CSNK1G2: variants seen among roughly 807,000 people sequenced by gnomAD.
CSNK1G2 encodes casein kinase 1 gamma 2.
Under a neutral mutation model 48.0 loss-of-function variants are expected in CSNK1G2, and 11 were observed. That is an observed-to-expected ratio of 0.23 (90% CI 0.14 to 0.38). The LOEUF (loss-of-function observed/expected upper bound fraction) is 0.38. CSNK1G2 is among the 10% of genes least tolerant of loss of function. CSNK1G2 has a pLI of 1.00. For synonymous variants in CSNK1G2, 337 were observed against 254.1 expected (o/e 1.33, Z -3.10); for missense variants, 446 against 595.5 (o/e 0.75, Z 2.61).
intron 1 of CSNK1G2, among the ~76,000 whole-genome samples, chr19:1,958,025 C>T (rs1036016717): frequency 3.3e-5 from 5 of 152,048 alleles, no homozygotes; most frequent in African/African-American, 4.8e-5. Flanking sequence ...GGTGTTGGGA[C>T]GCGTCCTGAC....
In CSNK1G2 at chr19:1,975,910, C is replaced by T. The variant is rs954829136; in HGVS notation, c.188-2395C>T. 4 of 575,266 alleles carry T rather than the reference C, an allele frequency of 7.0e-6. No homozygotes were observed. In the Admixed American group the frequency reaches 2.5e-4, roughly 37 times the overall value. The allele number at this position is 575,266 out of a possible 1,614,324, so 35.6% of individuals were successfully genotyped here. On this transcript the variant is annotated intron_variant, in intron 2 of 11. Coordinates refer to ENST00000255641, the MANE Select transcript of CSNK1G2 (RefSeq NM_001319.7). ...AATTAGCCAGGTTGATGGTGCCTGC[C>T]TGTAATTCCAGCTACTCAGGAGGCT...
intron 2 of CSNK1G2, chr19:1,976,082 G>A: frequency 7.8e-7 from 1 of 1,289,610 alleles, no homozygotes; most frequent in Non-Finnish European, 1.0e-6. Flanking sequence ...ATGGACCGGT[G>A]GATGGTAGCT....
chr19:1,947,962 G>A (rs1472031663), intron 1 of CSNK1G2, among the ~76,000 whole-genome samples: 1 of 17,460 alleles, frequency 5.7e-5, no homozygotes, highest in African/African-American at 6.6e-4. Flanking sequence ...GAGTCAGCTC[G>A]TCCTCGTGCC....
chr19:1,965,593 C>T (rs185404998), intron 1 of CSNK1G2, among the ~76,000 whole-genome samples: 163 of 152,052 alleles, frequency 1.1e-3, no homozygotes, highest in Non-Finnish European at 1.5e-3. Context: ...CTCCACCTCC[C>T]GGGTTGAAGC....
chr19:1,947,565 C>T (rs1047027199), intron 1 of CSNK1G2, among the ~76,000 whole-genome samples: 6 of 152,212 alleles, frequency 3.9e-5, no homozygotes, highest in African/African-American at 1.2e-4. Context: ...ACGGGACCAG[C>T]GTGAGGACAC....
chr19:1,970,861 C>T (rs1040226840), intron 2 of CSNK1G2, among the ~76,000 whole-genome samples: 1 of 152,154 alleles, frequency 6.6e-6, no homozygotes, highest in Non-Finnish European at 1.5e-5. Context: ...GGCAGTGGAT[C>T]GGCCTCACGT....
chr19:1,975,541 C>T, intron 2 of CSNK1G2: 1 of 985,476 alleles, frequency 1.0e-6, no homozygotes, highest in Non-Finnish European at 1.2e-6. Flanking sequence ...CAGGCGGGCA[C>T]ACGCAGCACG....
Position 1,943,242 on chromosome 19 carries a change from T to C in CSNK1G2, c.-266+1824T>C, listed in dbSNP as rs1038408490. Among the ~76,000 whole-genome samples, 8 of 152,122 alleles carry C rather than the reference T, an allele frequency of 5.3e-5. No homozygotes were observed. The East Asian group carries it at 1.3e-3, about 26-fold the overall frequency. On this transcript the variant is annotated intron_variant, in intron 1 of 11. Coordinates refer to ENST00000255641, the MANE Select transcript of CSNK1G2 (RefSeq NM_001319.7). ...TAGTGTCTGGATTTACTGTGCCTGC[T>C]GTGCCTTCGGACTTCCTTGTGTGTC...
At chr19:1,963,696 CAG>C (rs1479795150) in intron 1 of CSNK1G2, among the ~76,000 whole-genome samples, 1 of 151,850 alleles carries the variant, frequency 6.6e-6, no homozygotes, top group East Asian at 1.9e-4. Context: ...TTAGTAGGGA[CAG>C]GGTTTCACCA....
At position 1,969,795 on chromosome 19, in the gene CSNK1G2, G is replaced by A. The variant is rs2015500901; in HGVS notation, c.23G>A (p.Gly8Glu). MDFDKKG[G>E]KGETEEGRRM... ...CTTATGGATTTTGACAAGAAAGGAG[G>A]GAAAGGGGAGACGGAGGAGGGCCGG... is the stretch of plus-strand genomic sequence containing the variant. Residue 8 changes from glycine (G) to glutamate (E), a missense_variant, in exon 2 of 12, where the codon GGG (glycine) becomes GAG (glutamate). This residue lies in a region of CSNK1G2 where 258 missense variants were observed against 415.9 expected (regional missense o/e 0.62). Coordinates refer to ENST00000255641, the MANE Select transcript of CSNK1G2 (RefSeq NM_001319.7). The A allele has an allele frequency of 5.3e-6, 7 of 1,308,712 alleles. No individual in the cohort carries two copies. The highest frequency in any genetic ancestry group is 3.0e-5 in the African/African-American group (2 of 66,458). 81.1% of individuals were successfully genotyped at this position (1,308,712 alleles called of 1,614,324 possible).
intron 1 of CSNK1G2, chr19:1,954,049 T>G (rs1255880188): frequency 1.9e-6 from 1 of 522,108 alleles, no homozygotes; most frequent in Non-Finnish European, 4.0e-6. Context: ...TGGCGTTCAC[T>G]CCTCAGCTTC....
At chr19:1,963,815 A>ATTTT (rs1163885585) in intron 1 of CSNK1G2, among the ~76,000 whole-genome samples, 1 of 127,346 alleles carries the variant, frequency 7.9e-6, no homozygotes, top group Non-Finnish European at 1.6e-5. Context: ...GCCTCTACAA[A>ATTTT]TTTTTTTTTT....
chr19:1,966,522 A>G (rs1429754818), intron 1 of CSNK1G2, among the ~76,000 whole-genome samples: 1 of 152,154 alleles, frequency 6.6e-6, no homozygotes, highest in African/African-American at 2.4e-5. Flanking sequence ...GATTCTGTGA[A>G]CCTGGGGGTA....
intron 1 of CSNK1G2, among the ~76,000 whole-genome samples, chr19:1,943,659 G>A (rs527471355): frequency 6.6e-6 from 1 of 152,210 alleles, no homozygotes; most frequent in East Asian, 1.9e-4. Context: ...GGGGGTTACC[G>A]CGCGCCCGAG....
At chr19:1,958,447 TC>T (rs1405736424) in intron 1 of CSNK1G2, among the ~76,000 whole-genome samples, 2 of 129,080 alleles carry the variant, frequency 1.5e-5, no homozygotes, top group African/African-American at 5.9e-5. Context: ...CTGTCCCCTG[TC>T]CCCCCATCTC....
At position 1,969,967 on chromosome 19, in the gene CSNK1G2, C is replaced by T. The variant is rs202177572; in HGVS notation, c.187+8C>T. On this transcript the variant is annotated splice_region_variant and intron_variant, in intron 2 of 11. Transcript: ENST00000255641. ...TCGGGGAGCTCCGCCTAGGTGAGGCCCTGCTCGGTGGTAGGTGGGGTCGGG... is the reference window on the plus strand; with the variant it reads ...TCGGGGAGCTCCGCCTAGGTGAGGCTCTGCTCGGTGGTAGGTGGGGTCGGG... 252 of 1,303,806 alleles carry T rather than the reference C, an allele frequency of 1.9e-4. 3 individuals are homozygous for T. The highest frequency in any genetic ancestry group is 5.1e-5 in the Non-Finnish European group (52 of 1,021,356). 80.8% of individuals were successfully genotyped at this position (1,303,806 alleles called of 1,614,324 possible). A position where few individuals can be genotyped will look rare whatever the true frequency, so the allele number is the denominator to read the frequency against.
intron 1 of CSNK1G2, among the ~76,000 whole-genome samples, chr19:1,947,988 C>T (rs1320591427): frequency 6.6e-6 from 1 of 152,136 alleles, no homozygotes; most frequent in Non-Finnish European, 1.5e-5. Context: ...ACTGGCCTCT[C>T]CTTCCTGTGG....
chr19:1,978,275 T>A lies in CSNK1G2; in HGVS notation c.188-30T>A, dbSNP rs373357078. On this transcript the variant is annotated intron_variant, in intron 2 of 11. Coordinates refer to ENST00000255641, the MANE Select transcript of CSNK1G2 (RefSeq NM_001319.7). This position sits in a 1 kb window ranked among gnomAD's most constrained non-coding sequence, Gnocchi z 7.3. ...GGTCGGGGCTAGGTGGGCCCTGCGC[T>A]GGCGGTGCTGATGGTCTCTGTCCCC... 1 of 1,612,662 alleles carries A rather than the reference T, an allele frequency of 6.2e-7. No individual in the cohort carries two copies. The highest frequency in any genetic ancestry group is 1.7e-5 in the Admixed American group (1 of 60,002).
intron 6 of CSNK1G2, 25 bp downstream of exon 6, chr19:1,979,118 G>A (rs771483023): frequency 6.3e-7 from 1 of 1,579,982 alleles, no homozygotes; most frequent in Admixed American, 1.8e-5. Flanking sequence ...CGCGGCGGGG[G>A]GCGGGCGCCC....
Sources: gnomAD v4.1 joint callset for allele counts (sites outside exome capture counted in the v4.1 genomes callset) on GRCh38, gnomAD v4.1.1 for gene constraint, gnomAD v4.1.1 regional missense constraint, Gnocchi (gnomAD v3.1) non-coding constraint, MANE v1.5 for transcripts, NCBI Gene and HGNC (gene_info 2026-07-23, HGNC 2026-07-21) for gene names.